The following CEP128 variants were observed in gnomAD, a reference collection of about 807,000 sequenced individuals.
CEP128 encodes the protein centrosomal protein 128.
A neutral mutation model predicts 156.7 loss-of-function variants in CEP128; 132 were observed. That is an observed-to-expected ratio of 0.84 (90% CI 0.73 to 0.97). The LOEUF (loss-of-function observed/expected upper bound fraction) is 0.97, where lower values mean the gene tolerates loss of function less well. Among genes scored for constraint, CEP128 ranks in the 50% least tolerant of loss-of-function variants. CEP128 has a pLI of 0.00. For synonymous variants in CEP128, 469 were observed against 448.9 expected, an observed-to-expected ratio of 1.04 and a Z score of -0.57; for missense variants, 1,252 against 1,281.9, an observed-to-expected ratio of 0.98 and a Z score of 0.36.
intron 3 of CEP128, among the ~76,000 whole-genome samples, chr14:80,915,324 T>G (rs1291107089): frequency 6.6e-6 from 1 of 152,152 alleles, no homozygotes; most frequent in Non-Finnish European, 1.5e-5. Flanking sequence ...GCCCAGCCCA[T>G]TATGTTACTT....
At chr14:80,684,539 CT>C (rs1896450248) in intron 19 of CEP128, among the ~76,000 whole-genome samples, 1 of 152,002 alleles carries the variant, frequency 6.6e-6, no homozygotes, top group African/African-American at 2.4e-5. Context: ...GGTACCAGTT[CT>C]ACTAAAACTA....
At chr14:80,583,335 T>C (rs2140455352) in intron 19 of CEP128, among the ~76,000 whole-genome samples, 1 of 152,292 alleles carries the variant, frequency 6.6e-6, no homozygotes, top group East Asian at 1.9e-4. Flanking sequence ...TTTTATTTTT[T>C]TTTTCTTTGT....
chr14:80,584,211 A>T (rs1891716283), intron 19 of CEP128, among the ~76,000 whole-genome samples: 1 of 133,088 alleles, frequency 7.5e-6, no homozygotes, highest in African/African-American at 3.0e-5. Context: ...CAGTGGCGCC[A>T]TCTCGGCTCA....
chr14:80,850,101 G>A (rs1566669603), intron 9 of CEP128, among the ~76,000 whole-genome samples: 2 of 152,124 alleles, frequency 1.3e-5, no homozygotes, highest in East Asian at 3.8e-4. Flanking sequence ...TAATCCTGAA[G>A]AGGAAGCATG....
At position 80,785,007 on chromosome 14, in the gene CEP128, A is replaced by G. The variant is rs1901322345; in HGVS notation, c.2099T>C (p.Leu700Pro). The G allele has an allele frequency of 6.2e-7, 1 of 1,614,044 alleles. No individual in the cohort carries two copies. Among genetic ancestry groups the G allele is most frequent in the African/African-American group, 1.3e-5 (1 of 74,944 alleles). ...TTTCACACTCTGCAATGATGATGTG[A>G]GATCTTTCAGCTCCCTCTGGTGCAC... ...RDVHQRELKD[L>P]TSSLQSVKTK... The change falls in exon 15 of 25, where the codon CTC becomes CCC. Residue 700 changes from leucine to proline, a missense_variant. By Grantham distance (98) the Leu-to-Pro change is moderately conservative (BLOSUM62 -3). Coordinates refer to ENST00000555265, the MANE Select transcript of CEP128 (RefSeq NM_152446.5).
downstream of CEP128, among the ~76,000 whole-genome samples, chr14:80,486,027 A>G (rs370472046): frequency 5.6e-4 from 85 of 152,330 alleles, 1 homozygote; most frequent in African/African-American, 1.9e-3. Flanking sequence ...TATTTATGCA[A>G]GAGCTGTACA....
intron 19 of CEP128, among the ~76,000 whole-genome samples, chr14:80,596,974 G>C (rs1892355856): frequency 6.6e-6 from 1 of 150,626 alleles, no homozygotes; most frequent in Non-Finnish European, 1.5e-5. Context: ...AAGAGGAAAA[G>C]TCTCAAATGA....
chr14:80,908,272 G>A (rs773980094), intron 4 of CEP128, among the ~76,000 whole-genome samples: 62 of 151,722 alleles, frequency 4.1e-4, no homozygotes, highest in Non-Finnish European at 8.7e-4. Context: ...CATTGTTTTT[G>A]CCTCATTCTC....
chr14:80,911,244 A>G (rs1349043223), intron 4 of CEP128, among the ~76,000 whole-genome samples: 2 of 152,368 alleles, frequency 1.3e-5, no homozygotes, highest in East Asian at 3.9e-4. Context: ...CACGCCTATA[A>G]TCCCAGCACT....
chr14:80,919,147 C>A (rs1027877752), intron 2 of CEP128, among the ~76,000 whole-genome samples: 3 of 152,044 alleles, frequency 2.0e-5, no homozygotes, highest in South Asian at 4.2e-4. Flanking sequence ...GAACAAGGAA[C>A]AAAATAACTG....
intron 16 of CEP128, among the ~76,000 whole-genome samples, chr14:80,768,761 A>C (rs970465728): frequency 2.0e-5 from 3 of 152,234 alleles, no homozygotes; most frequent in Non-Finnish European, 4.4e-5. Context: ...CCAGAATCAA[A>C]AAAATGGAAA....
In CEP128 at chr14:80,570,140, T is replaced by C. The variant is rs370562635; in HGVS notation, c.2856+10234A>G. 7.2e-5 allele frequency among the ~76,000 whole-genome samples: 11 copies of C among 152,280 alleles called. No homozygotes were observed. The East Asian group carries it at 1.7e-3, about 24-fold the overall frequency. On this transcript the variant is annotated intron_variant, in intron 20 of 24. Transcript: ENST00000555265. The stretch of plus-strand genomic sequence containing the variant: ...GTTCTTTTTATTTATTTATTTGAGA[T>C]GAAGTCTTGCTCTGTTGCCCAGGCT...
chr14:80,580,469 G>T, intron 19 of CEP128, 46 bp from the exon 20 acceptor site: 1 of 1,189,594 alleles, frequency 8.4e-7, no homozygotes, highest in Non-Finnish European at 1.2e-6. Flanking sequence ...ATGTAAAAAC[G>T]AGTTGCCTCT....
At chr14:80,877,762 T>C (rs1888352097) in intron 8 of CEP128, among the ~76,000 whole-genome samples, 1 of 152,112 alleles carries the variant, frequency 6.6e-6, no homozygotes, top group Non-Finnish European at 1.5e-5. Context: ...TCTCAGTCAC[T>C]GCTATATCCT....
intron 20 of CEP128, among the ~76,000 whole-genome samples, chr14:80,574,646 T>C (rs545593803): frequency 9.9e-5 from 15 of 152,204 alleles, no homozygotes; most frequent in Non-Finnish European, 2.2e-4. Flanking sequence ...TATAACACCC[T>C]AATATTAATA....
intron 6 of CEP128, among the ~76,000 whole-genome samples, chr14:80,903,927 A>G (rs1883726210): frequency 6.6e-6 from 1 of 152,114 alleles, no homozygotes; most frequent in Non-Finnish European, 1.5e-5. Context: ...GGAAAACTGT[A>G]TGGAGGGTCT....
At chr14:80,691,354 A>T (rs1007601158) in intron 19 of CEP128, among the ~76,000 whole-genome samples, 2 of 152,216 alleles carry the variant, frequency 1.3e-5, no homozygotes, top group African/African-American at 4.8e-5. Context: ...TCTGGAAAGA[A>T]GAGAATGGGT....
At chr14:80,832,827 T>C (rs1326041999) in intron 12 of CEP128, among the ~76,000 whole-genome samples, 2 of 151,856 alleles carry the variant, frequency 1.3e-5, no homozygotes, top group Non-Finnish European at 2.9e-5. Context: ...GAGGAGGGAG[T>C]GTCAACAGAG....
chr14:80,722,958 C>G lies in CEP128; in HGVS notation c.2806+20117G>C, dbSNP rs1163892091. ...TCTCCTGCCTCAGCCTCCCAAGTAG[C>G]TGGGACTACAGGCACCCGCCACCAC... On this transcript the variant is annotated intron_variant, in intron 19 of 24. Coordinates refer to ENST00000555265, the MANE Select transcript of CEP128 (RefSeq NM_152446.5). 4.0e-5 allele frequency among the ~76,000 whole-genome samples: 6 copies of G among 151,640 alleles called. No individual in the cohort carries two copies. The East Asian group carries it at 1.2e-3, about 30-fold the overall frequency.
Sources: gnomAD v4.1 joint callset for allele counts (sites outside exome capture counted in the v4.1 genomes callset) on GRCh38, gnomAD v4.1.1 for gene constraint, MANE v1.5 for transcripts, NCBI Gene and HGNC (gene_info 2026-07-23, HGNC 2026-07-21) for gene names.